The following RGS7 variants were observed in gnomAD, a reference collection of about 807,000 sequenced individuals.
RGS7 encodes the protein regulator of G-protein signaling 7.
A neutral mutation model predicts 81.1 loss-of-function variants in RGS7; 27 were observed. The observed-to-expected ratio is 0.33, with a 90% CI of 0.25 to 0.46. RGS7 has a LOEUF of 0.46. Ranked by LOEUF, RGS7 falls within the 20% of genes least tolerant of loss-of-function variation. The pLI is 1.00. For missense variants in RGS7, 396 were observed against 607.4 expected, an observed-to-expected ratio of 0.65 and a Z score of 3.66; for synonymous variants, 208 against 207.7, an observed-to-expected ratio of 1.00 and a Z score of -0.01.
intron 18 of RGS7, among the ~76,000 whole-genome samples, chr1:240,792,741 A>G (rs1301045657): frequency 1.3e-5 from 2 of 152,166 alleles, no homozygotes; most frequent in Non-Finnish European, 2.9e-5. Context: ...GAATGAACCA[A>G]CTCAGGTGCA....
intron 2 of RGS7, among the ~76,000 whole-genome samples, chr1:241,121,327 A>G (rs2066239167): frequency 6.6e-6 from 1 of 152,240 alleles, no homozygotes; most frequent in Non-Finnish European, 1.5e-5. Context: ...GTTTTGCAGG[A>G]GAATTTCAAG....
chr1:241,110,100 T>C (rs986403114), intron 2 of RGS7, among the ~76,000 whole-genome samples: 1 of 152,222 alleles, frequency 6.6e-6, no homozygotes, highest in Non-Finnish European at 1.5e-5. Flanking sequence ...ATACTCTCTG[T>C]AAACATTCTG....
intron 3 of RGS7, among the ~76,000 whole-genome samples, chr1:241,097,956 C>G (rs1342764578): frequency 6.6e-6 from 1 of 152,200 alleles, no homozygotes; most frequent in Non-Finnish European, 1.5e-5. Flanking sequence ...CCCTCACGCT[C>G]TTTCCTCTCT....
intron 4 of RGS7, among the ~76,000 whole-genome samples, chr1:240,960,170 A>C (rs998539085): frequency 1.4e-5 from 2 of 145,564 alleles, no homozygotes; most frequent in African/African-American, 5.0e-5. Context: ...CAAAAAAAAA[A>C]AAGTCTAAAA....
At chr1:241,168,321 G>C (rs2070434149) in intron 2 of RGS7, among the ~76,000 whole-genome samples, 1 of 152,112 alleles carries the variant, frequency 6.6e-6, no homozygotes, top group Non-Finnish European at 1.5e-5. Flanking sequence ...TGATGAGATT[G>C]AAGAGAAAAA....
At chr1:241,320,645 T>A (rs888941751) in intron 2 of RGS7, among the ~76,000 whole-genome samples, 3 of 152,226 alleles carry the variant, frequency 2.0e-5, no homozygotes, top group African/African-American at 7.2e-5. Flanking sequence ...AAGCATTAAC[T>A]GATGGCATTG....
chr1:241,018,241 CCAAAGTGCTGGCA>C (rs2059367420), intron 3 of RGS7, among the ~76,000 whole-genome samples: 2 of 150,938 alleles, frequency 1.3e-5, no homozygotes, highest in South Asian at 4.2e-4. Flanking sequence ...CCTCGGCCTA[CCAAAGTGCTGGCA>C]TTACAGGCAT....
At chr1:240,946,288 T>C (rs968500968) in intron 4 of RGS7, among the ~76,000 whole-genome samples, 2 of 152,162 alleles carry the variant, frequency 1.3e-5, no homozygotes, top group African/African-American at 4.8e-5. Context: ...AGCCAGAATT[T>C]AAACATCAGA....
intron 4 of RGS7, among the ~76,000 whole-genome samples, chr1:240,958,837 C>T (rs1680873853): frequency 6.6e-6 from 1 of 152,204 alleles, no homozygotes; most frequent in South Asian, 2.1e-4. Flanking sequence ...CCTTTTCTGA[C>T]CTCCTAGAGC....
intron 2 of RGS7, among the ~76,000 whole-genome samples, chr1:241,354,715 T>C (rs962134244): frequency 6.6e-6 from 1 of 152,218 alleles, no homozygotes; most frequent in Non-Finnish European, 1.5e-5. Flanking sequence ...TCTTGAACTC[T>C]TCAATGGGCT....
chr1:241,012,980 C>CT (rs2059036032), intron 3 of RGS7, among the ~76,000 whole-genome samples: 1 of 152,054 alleles, frequency 6.6e-6, no homozygotes, highest in Non-Finnish European at 1.5e-5. Flanking sequence ...ATGCTACCTC[C>CT]TCCCAGAAGC....
At chr1:240,955,676 A>T (rs956129197) in intron 4 of RGS7, among the ~76,000 whole-genome samples, 9 of 152,186 alleles carry the variant, frequency 5.9e-5, no homozygotes, top group African/African-American at 2.2e-4. Flanking sequence ...AGAAATATAT[A>T]AGTAAAACAG....
chr1:241,337,362 T>C (rs2082301893), intron 2 of RGS7, among the ~76,000 whole-genome samples: 1 of 152,068 alleles, frequency 6.6e-6, no homozygotes, highest in African/African-American at 2.4e-5. Flanking sequence ...GGACAGTGTG[T>C]TCTACCAGAG....
intron 2 of RGS7, among the ~76,000 whole-genome samples, chr1:241,261,038 A>G (rs1457777298): frequency 1.3e-5 from 2 of 152,076 alleles, no homozygotes; most frequent in Admixed American, 1.3e-4. Context: ...TAACCTGCAC[A>G]ATGTGCACAT....
intron 2 of RGS7, among the ~76,000 whole-genome samples, chr1:241,154,933 T>TA (rs529142583): frequency 6.6e-6 from 1 of 152,024 alleles, no homozygotes; most frequent in Admixed American, 6.6e-5. Context: ...AGCCATTTTT[T>TA]AAAAAAAGAA....
At chr1:241,016,252 G>A (rs1558600019) in intron 3 of RGS7, among the ~76,000 whole-genome samples, 1 of 152,150 alleles carries the variant, frequency 6.6e-6, no homozygotes. Flanking sequence ...GGGTGCGGTG[G>A]CTCACGCCTG....
At chr1:240,827,954 G>A (rs1046192879) in intron 9 of RGS7, among the ~76,000 whole-genome samples, 3 of 151,406 alleles carry the variant, frequency 2.0e-5, no homozygotes, top group Non-Finnish European at 4.4e-5. Context: ...ATTTAGTTGA[G>A]CCAGCTCACA....
intron 2 of RGS7, among the ~76,000 whole-genome samples, chr1:241,251,667 G>A (rs1015588934): frequency 9.9e-5 from 15 of 151,142 alleles, no homozygotes; most frequent in African/African-American, 3.2e-4. Context: ...TTGCCACCAC[G>A]CCCAGCTAAT....
At chr1:240,867,149 T>C (rs1663463955) in intron 9 of RGS7, among the ~76,000 whole-genome samples, 1 of 152,250 alleles carries the variant, frequency 6.6e-6, no homozygotes, top group South Asian at 2.1e-4. Flanking sequence ...CAGTTGATTC[T>C]CTTTGAATCT....
Sources: allele counts gnomAD v4.1 joint callset (sites outside exome capture counted in the v4.1 genomes callset), GRCh38; gene constraint gnomAD v4.1.1; transcripts MANE v1.5; gene names NCBI Gene and HGNC (gene_info 2026-07-23, HGNC 2026-07-21).